AK4: variants seen among roughly 807,000 people sequenced by gnomAD.
The protein encoded by AK4 is adenylate kinase 4, also known as adenylate kinase 4, mitochondrial.
A neutral mutation model predicts 24.6 loss-of-function variants in AK4; 13 were observed. The ratio of observed to expected loss-of-function variants is 0.53; its 90% CI spans 0.34 to 0.84. The LOEUF (loss-of-function observed/expected upper bound fraction) is 0.84, where lower values mean the gene tolerates loss of function less well. AK4 is among the 40% of genes least tolerant of loss of function. AK4 has a pLI of 0.01. For synonymous variants in AK4, 88 were observed against 107.0 expected, an observed-to-expected ratio of 0.82 and a Z score of 1.10; for missense variants, 192 against 288.2, an observed-to-expected ratio of 0.67 and a Z score of 2.42.
At chr1:65,164,100 T>C (rs1469932858) in intron 1 of AK4, among the ~76,000 whole-genome samples, 5 of 152,202 alleles carry the variant, frequency 3.3e-5, no homozygotes, top group African/African-American at 4.8e-5. Flanking sequence ...ATTTCTAATC[T>C]TGTAGCTAAT....
At chr1:65,197,626 C>G (rs1651520657) in intron 2 of AK4, among the ~76,000 whole-genome samples, 2 of 152,150 alleles carry the variant, frequency 1.3e-5, no homozygotes, top group Non-Finnish European at 2.9e-5. Flanking sequence ...TCTATTTTCC[C>G]TGAGAGCTAA....
chr1:65,197,055 A>G (rs1651494950), intron 2 of AK4, among the ~76,000 whole-genome samples: 1 of 152,200 alleles, frequency 6.6e-6, no homozygotes, highest in African/African-American at 2.4e-5. Flanking sequence ...GGAAAAGACC[A>G]GCCCCCATAA....
chr1:65,209,268 G>A (rs942405457), intron 2 of AK4, among the ~76,000 whole-genome samples: 7 of 152,142 alleles, frequency 4.6e-5, no homozygotes, highest in South Asian at 2.1e-4. Flanking sequence ...TTTATTTTAC[G>A]TTAGCTCTTG....
chr1:65,223,664 A>G (rs977080740), intron 3 of AK4, among the ~76,000 whole-genome samples: 8 of 152,166 alleles, frequency 5.3e-5, no homozygotes, highest in African/African-American at 1.9e-4. Flanking sequence ...TAATTAGACA[A>G]ACATACTGCA....
chr1:65,224,987 G>A (rs1652411246), intron 4 of AK4, 117 bp downstream of exon 4: 3 of 684,630 alleles, frequency 4.4e-6, no homozygotes, highest in South Asian at 4.0e-5. Context: ...AAACACTAGC[G>A]ATCCAAAACC....
intron 1 of AK4, among the ~76,000 whole-genome samples, chr1:65,187,897 T>C (rs1188258697): frequency 1.3e-5 from 2 of 152,230 alleles, no homozygotes; most frequent in Non-Finnish European, 2.9e-5. Context: ...TTCAGTCACA[T>C]TCACCAATGT....
At chr1:65,189,196 A>T (rs1195767713) in intron 1 of AK4, among the ~76,000 whole-genome samples, 1 of 151,900 alleles carries the variant, frequency 6.6e-6, no homozygotes. Context: ...CGACCTCCCA[A>T]AGTGCTGGGA....
intron 1 of AK4, among the ~76,000 whole-genome samples, chr1:65,165,561 GA>G (rs56293121): frequency 0.096 from 12,953 of 134,300 alleles, 1,845 homozygotes; most frequent in African/African-American, 0.32. Flanking sequence ...CCCATGTCTG[GA>G]AAAAAAAAAA....
At chr1:65,220,966 A>T (rs1439981521) in intron 3 of AK4, among the ~76,000 whole-genome samples, 1 of 152,172 alleles carries the variant, frequency 6.6e-6, no homozygotes, top group Non-Finnish European at 1.5e-5. Flanking sequence ...ATCATAGTTG[A>T]TGTGCAGAGT....
chr1:65,203,839 C>T (rs1029463579), intron 2 of AK4, among the ~76,000 whole-genome samples: 1 of 151,994 alleles, frequency 6.6e-6, no homozygotes, highest in Non-Finnish European at 1.5e-5. Context: ...CTCCATTAAA[C>T]CTTGTGTAGT....
chr1:65,152,354 CTCTCTCTATATA>C (rs1415600817), intron 1 of AK4, among the ~76,000 whole-genome samples: 367 of 37,942 alleles, frequency 9.7e-3, no homozygotes, highest in African/African-American at 0.023. Context: ...CTCTCTCTCT[CTCTCTCTATATA>C]TATATATATA....
chr1:65,210,578 C>T (rs182702061), intron 2 of AK4, among the ~76,000 whole-genome samples: 1 of 152,190 alleles, frequency 6.6e-6, no homozygotes, highest in East Asian at 1.9e-4. Flanking sequence ...TTTCTGTTAC[C>T]GAGGACTTTC....
Position 65,191,093 on chromosome 1 carries a change from G to A in AK4, c.265+264G>A, listed in dbSNP as rs114243642. Among the ~76,000 whole-genome samples, 1,159 of 152,192 alleles carry A rather than the reference G, an allele frequency of 7.6e-3. 14 individuals carry two copies. The highest frequency in any genetic ancestry group is 0.026 in the African/African-American group (1,099 of 41,518). ...TTATTGCTTCAGCCCTTTTGTTTCC[G>A]TAAGCCATCCTGAGTATAACTCCTC... On this transcript the variant is annotated intron_variant, in intron 2 of 4. Coordinates refer to ENST00000327299, the MANE Select transcript of AK4 (RefSeq NM_013410.4).
At chr1:65,166,534 T>G (rs569318654) in intron 1 of AK4, among the ~76,000 whole-genome samples, 1 of 152,336 alleles carries the variant, frequency 6.6e-6, no homozygotes, top group South Asian at 2.1e-4. Flanking sequence ...TTTTTAAATT[T>G]TTTTTGAAAT....
rs1235597657 is a variant in AK4, at chr1:65,231,421, T to G, written c.*5244T>G. On this transcript the variant is annotated 3_prime_UTR_variant, in exon 5 of 5. Transcript: ENST00000327299. ...TGAAAGCTCTTGTATGGCATAGATA[T>G]GAATTCCTTCCTCTGGTAATAATTA... is the stretch of plus-strand genomic sequence containing the variant. The G allele has an allele frequency of 2.6e-5, 4 of 152,320 alleles. No homozygotes were observed. The highest frequency in any genetic ancestry group is 6.8e-3 in the Middle Eastern group (2 of 294). 9.4% of individuals were successfully genotyped at this position (152,320 alleles called of 1,614,324 possible). A position where few individuals can be genotyped will look rare whatever the true frequency, so the allele number is the denominator to read the frequency against.
intron 2 of AK4, among the ~76,000 whole-genome samples, chr1:65,215,176 CT>C (rs1553127383): frequency 1.3e-4 from 15 of 114,690 alleles, no homozygotes; most frequent in Admixed American, 8.5e-5. Flanking sequence ...TTCTTTCTTT[CT>C]TTTTTTTTTG....
intron 2 of AK4, among the ~76,000 whole-genome samples, chr1:65,204,940 GAAAT>G (rs1252269453): frequency 2.6e-5 from 4 of 152,074 alleles, no homozygotes; most frequent in Non-Finnish European, 5.9e-5. Context: ...GAATATACTA[GAAAT>G]CATTGAAATG....
intron 2 of AK4, among the ~76,000 whole-genome samples, chr1:65,212,430 G>A (rs1652000591): frequency 6.6e-6 from 1 of 151,792 alleles, no homozygotes; most frequent in East Asian, 1.9e-4. Context: ...CCAAAGTGCT[G>A]GGATGAGCCA....
intron 1 of AK4, among the ~76,000 whole-genome samples, chr1:65,179,094 G>A (rs901653389): frequency 2.0e-5 from 3 of 152,032 alleles, no homozygotes; most frequent in Admixed American, 2.0e-4. Flanking sequence ...GAGGAGATAT[G>A]GAATTAAAGG....
Sources: allele counts gnomAD v4.1 joint callset (sites outside exome capture counted in the v4.1 genomes callset), GRCh38; gene constraint gnomAD v4.1.1; transcripts MANE v1.5; gene names NCBI Gene and HGNC (gene_info 2026-07-23, HGNC 2026-07-21).